Variants in TCF12 observed in about 807,000 individuals in gnomAD.
The protein encoded by TCF12 is transcription factor 12.
Under a neutral mutation model 86.0 loss-of-function variants are expected in TCF12, and 45 were observed. The ratio of observed to expected loss-of-function variants is 0.52; its 90% CI spans 0.41 to 0.67. The LOEUF is 0.67. Ranked by LOEUF, TCF12 falls within the 30% of genes least tolerant of loss-of-function variation. The pLI is 0.00. For missense variants in TCF12, 881 were observed against 859.9 expected (o/e 1.02, Z -0.31); for synonymous variants, 330 against 299.6 (o/e 1.10, Z -1.05).
At chr15:56,918,142 C>T, upstream of TCF12, 1 of 452,364 alleles carries the variant, frequency 2.2e-6, no homozygotes, top group Non-Finnish European at 4.4e-6. Flanking sequence ...GTGTCTGCGC[C>T]GACTGCAGCC....
chr15:57,052,707 A>C (rs1487496803), intron 3 of TCF12, among the ~76,000 whole-genome samples: 1 of 151,974 alleles, frequency 6.6e-6, no homozygotes. Context: ...TATGTTAAGT[A>C]ACAGTGTCAT....
In TCF12 at chr15:57,150,380, G is replaced by C. The variant is rs143139309; in HGVS notation, c.326-16022G>C. ...GTGGAAAGATCTCATAATTAACAGG[G>C]CATGTGTAGTCTTCAAAAGGGTATT... On this transcript the variant is annotated intron_variant, in intron 5 of 20. Transcript: ENST00000333725. Among the ~76,000 whole-genome samples, 11 of 152,242 alleles carry C rather than the reference G, an allele frequency of 7.2e-5. No individual in the cohort carries two copies. The East Asian group carries it at 2.1e-3, about 29-fold the overall frequency.
chr15:57,170,731 ATATATAATATATAT>A (rs2055367595), intron 6 of TCF12, among the ~76,000 whole-genome samples: 1 of 1,620 alleles, frequency 6.2e-4, no homozygotes, highest in Non-Finnish European at 1.4e-3. Flanking sequence ...ATTATATATT[ATATATAATATATAT>A]TATATATTAT....
intron 6 of TCF12, among the ~76,000 whole-genome samples, chr15:57,191,560 T>C (rs996399496): frequency 1.3e-5 from 2 of 152,178 alleles, no homozygotes; most frequent in East Asian, 1.9e-4. Context: ...TTCAAAAATA[T>C]TGATGATTAA....
chr15:57,035,956 G>A (rs1206209926), intron 3 of TCF12, among the ~76,000 whole-genome samples: 6 of 152,188 alleles, frequency 3.9e-5, no homozygotes, highest in Admixed American at 1.3e-4. Context: ...TGAACTGTAC[G>A]TGTGGGGGGA....
At chr15:57,180,081 A>G (rs747218258) in intron 6 of TCF12, among the ~76,000 whole-genome samples, 1 of 152,228 alleles carries the variant, frequency 6.6e-6, no homozygotes, top group Non-Finnish European at 1.5e-5. Flanking sequence ...TTCAATGTAA[A>G]TGAATTTGCA....
intron 5 of TCF12, among the ~76,000 whole-genome samples, chr15:57,120,897 C>G (rs1276047648): frequency 6.6e-6 from 1 of 152,142 alleles, no homozygotes; most frequent in Non-Finnish European, 1.5e-5. Flanking sequence ...TGGAGGATCA[C>G]TTGGACCCAG....
At chr15:57,024,359 G>A (rs759247447) in intron 3 of TCF12, among the ~76,000 whole-genome samples, 45 of 151,544 alleles carry the variant, frequency 3.0e-4, no homozygotes, top group Non-Finnish European at 4.7e-4. Context: ...GATTACAGGC[G>A]CCCGCCACCA....
Position 57,253,405 on chromosome 15 carries a change from T to C in TCF12, c.1404T>C (p.Ile468=), listed in dbSNP as rs779178379. 1 of 1,614,120 alleles carries C rather than the reference T, an allele frequency of 6.2e-7. No individual in the cohort carries two copies. The highest frequency in any genetic ancestry group is 1.1e-5 in the South Asian group (1 of 91,078). Residue 468 remains isoleucine (I), a synonymous_variant, in exon 16 of 21, where the codon ATT becomes ATC. Transcript: ENST00000333725. ...SLLGPSHNAP[I]GSLNSNYGGS... ...TGGGACCATCCCATAATGCACCAAT[T>C]GGAAGCCTCAATTCAAACTATGGAG...
At chr15:56,994,860 G>C (rs1216177593) in intron 3 of TCF12, among the ~76,000 whole-genome samples, 1 of 152,070 alleles carries the variant, frequency 6.6e-6, no homozygotes, top group African/African-American at 2.4e-5. Context: ...AAGAAAACTT[G>C]ACATTAGGAA....
At chr15:57,006,099 A>G (rs1418013212) in intron 3 of TCF12, among the ~76,000 whole-genome samples, 4 of 152,160 alleles carry the variant, frequency 2.6e-5, no homozygotes, top group African/African-American at 9.7e-5. Context: ...AGTACCATTC[A>G]TGTACTATGT....
At chr15:57,233,679 A>G (rs1190806846) in intron 11 of TCF12, among the ~76,000 whole-genome samples, 1 of 151,940 alleles carries the variant, frequency 6.6e-6, no homozygotes, top group African/African-American at 2.4e-5. Flanking sequence ...GTTTGTCCAC[A>G]TTTCTCAGAC....
At chr15:57,136,370 C>T (rs1188969272) in intron 5 of TCF12, among the ~76,000 whole-genome samples, 1 of 152,124 alleles carries the variant, frequency 6.6e-6, no homozygotes. Flanking sequence ...TTTCTTTGCT[C>T]TTGGGAGACG....
intron 8 of TCF12, among the ~76,000 whole-genome samples, chr15:57,222,214 T>C (rs1170619725): frequency 1.4e-5 from 2 of 147,890 alleles, no homozygotes; most frequent in Non-Finnish European, 3.0e-5. Flanking sequence ...AAGCTTTCTT[T>C]CCCTTTTTTC....
intron 4 of TCF12, among the ~76,000 whole-genome samples, chr15:57,086,212 G>GATA (rs60173159): frequency 0.078 from 11,099 of 141,546 alleles, 752 homozygotes; most frequent in East Asian, 0.28. Flanking sequence ...GGATGATGAT[G>GATA]ATAATAATAA....
At chr15:56,953,320 G>T (rs8040708) in intron 3 of TCF12, among the ~76,000 whole-genome samples, 1 of 151,732 alleles carries the variant, frequency 6.6e-6, no homozygotes, top group East Asian at 1.9e-4. Context: ...CAATGTTTTT[G>T]TCTGGTTTTG....
chr15:57,265,089 ATAGT>A (rs1442309845), intron 18 of TCF12, among the ~76,000 whole-genome samples: 1 of 105,696 alleles, frequency 9.5e-6, no homozygotes, highest in African/African-American at 3.1e-5. Flanking sequence ...ATAGTATAGT[ATAGT>A]ATAGTATAGT....
intron 4 of TCF12, among the ~76,000 whole-genome samples, chr15:57,079,063 A>G (rs2070391910): frequency 6.6e-6 from 1 of 152,234 alleles, no homozygotes; most frequent in Non-Finnish European, 1.5e-5. Context: ...AAAAGTTTGT[A>G]TTGGGTGCAA....
chr15:57,197,152 C>CTTT (rs138145337), intron 7 of TCF12, among the ~76,000 whole-genome samples: 35,557 of 86,726 alleles, frequency 0.41, 9,750 homozygotes, highest in Non-Finnish European at 0.54. Context: ...AGAACAGCTT[C>CTTT]TTTTTTTTTT....
Sources: allele counts gnomAD v4.1 joint callset (sites outside exome capture counted in the v4.1 genomes callset), GRCh38; gene constraint gnomAD v4.1.1; transcripts MANE v1.5; gene names NCBI Gene and HGNC (gene_info 2026-07-23, HGNC 2026-07-21).